The following NMNAT3 variants were observed in gnomAD, a reference collection of about 807,000 sequenced individuals.
The protein encoded by NMNAT3 is nicotinamide nucleotide adenylyltransferase 3, also known as nicotinamide/nicotinic acid mononucleotide adenylyltransferase 3.
In NMNAT3, 21 loss-of-function variants were observed where a neutral mutation model predicts 24.8. The observed-to-expected ratio is 0.85, with a 90% CI of 0.60 to 1.22. NMNAT3 has a LOEUF of 1.22. Among genes scored for constraint, NMNAT3 ranks in the 50% most tolerant of loss-of-function variants. The pLI, the probability that NMNAT3 is intolerant of heterozygous loss-of-function variation, is 0.00. For missense variants in NMNAT3, 387 were observed against 436.6 expected (o/e 0.89, Z 1.01); for synonymous variants, 136 against 155.2 (o/e 0.88, Z 0.92).
chr3:139,615,464 C>CTATCTATCTATCTATCT lies in NMNAT3; in HGVS notation c.109+12151_109+12152insAGATAGATAGATAGATA, dbSNP rs1438028853. Among the ~76,000 whole-genome samples the CTATCTATCTATCTATCT allele has an allele frequency of 2.1e-3, 225 of 106,862 alleles. 1 individual carries two copies. Among genetic ancestry groups the CTATCTATCTATCTATCT allele is most frequent in the East Asian group, 5.8e-3 (24 of 4,146 alleles). 70.1% of individuals were successfully genotyped at this position (106,862 alleles called of 152,430 possible). ...CTATCTATCTATCTATCTATCTATC[C>CTATCTATCTATCTATCT]ATCCACCCACCCATCCATCCATTTA... is the stretch of plus-strand genomic sequence containing the variant. On this transcript the variant is annotated intron_variant, in intron 3 of 6. Transcript: ENST00000643695.
At chr3:139,601,116 C>T (rs553837796) in intron 3 of NMNAT3, among the ~76,000 whole-genome samples, 1 of 152,294 alleles carries the variant, frequency 6.6e-6, no homozygotes, top group East Asian at 1.9e-4. Context: ...TCTGGCTGGG[C>T]ATAAAGTCTG....
At chr3:139,628,733 C>T (rs2056164509) in intron 2 of NMNAT3, among the ~76,000 whole-genome samples, 1 of 152,206 alleles carries the variant, frequency 6.6e-6, no homozygotes, top group African/African-American at 2.4e-5. Context: ...CCTAGTTCTA[C>T]CTCTCACTGG....
chr3:139,627,929 C>T (rs574791039), intron 2 of NMNAT3, among the ~76,000 whole-genome samples, 165 bp from the exon 4 acceptor site: 20 of 152,312 alleles, frequency 1.3e-4, no homozygotes, highest in Non-Finnish European at 2.1e-4. Flanking sequence ...TGAAGTATGC[C>T]AAGTGCTATG....
At chr3:139,620,625 T>G (rs2055725549) in intron 3 of NMNAT3, among the ~76,000 whole-genome samples, 3 of 152,234 alleles carry the variant, frequency 2.0e-5, no homozygotes, top group Admixed American at 1.3e-4. Flanking sequence ...GCTCTGAACA[T>G]TCATGCACAA....
chr3:139,623,671 C>T lies in NMNAT3; in HGVS notation c.109+3945G>A, dbSNP rs1246455651. Reference sequence around the variant, plus strand: ...CAATCTCAGCTCACTGCAACCTCTGCCTCCCAGGTTCAAGCAATTCCCTGC... The same window carrying T: ...CAATCTCAGCTCACTGCAACCTCTGTCTCCCAGGTTCAAGCAATTCCCTGC... On this transcript the variant is annotated intron_variant, in intron 3 of 6. Transcript: ENST00000643695. 3.9e-5 allele frequency among the ~76,000 whole-genome samples: 6 copies of T among 152,116 alleles called. No individual in the cohort carries two copies. The South Asian group carries it at 1.0e-3, about 26-fold the overall frequency.
At chr3:139,631,367 T>C (rs534093723) in intron 2 of NMNAT3, among the ~76,000 whole-genome samples, 1 of 152,282 alleles carries the variant, frequency 6.6e-6, no homozygotes, top group African/African-American at 2.4e-5. Flanking sequence ...GACAATAAAC[T>C]GGCTCTAATT....
intron 6 of NMNAT3, chr3:139,567,502 T>C (rs1937427648): frequency 6.6e-6 from 1 of 152,182 alleles, no homozygotes; most frequent in Non-Finnish European, 1.5e-5. Flanking sequence ...GGGTTTGTCA[T>C]AGATAGCTCT....
intron 1 of NMNAT3, among the ~76,000 whole-genome samples, chr3:139,666,762 C>T (rs912842534): frequency 6.6e-6 from 1 of 152,158 alleles, no homozygotes; most frequent in African/African-American, 2.4e-5. Context: ...CCTTGCTACC[C>T]TCTGGTTATG....
At chr3:139,593,679 A>G (rs576824990) in intron 3 of NMNAT3, among the ~76,000 whole-genome samples, 2 of 149,864 alleles carry the variant, frequency 1.3e-5, no homozygotes, top group African/African-American at 4.9e-5. Flanking sequence ...GCTCAACTAC[A>G]TGGAAACTGA....
At chr3:139,585,403 A>T (rs1283668430) in intron 3 of NMNAT3, among the ~76,000 whole-genome samples, 1 of 152,174 alleles carries the variant, frequency 6.6e-6, no homozygotes, top group Non-Finnish European at 1.5e-5. Flanking sequence ...TTCTTTAGAT[A>T]TAAATACTAC....
rs562187214 is a variant in NMNAT3, at chr3:139,658,761, G to C, written c.-141+18944C>G. On this transcript the variant is annotated intron_variant, in intron 1 of 6. Coordinates refer to ENST00000643695, the MANE Select transcript of NMNAT3 (RefSeq NM_001320510.2). Reference sequence around the variant, plus strand: ...TGTTATTAACCAGAATTCAGTATTTGTTTAGCATTTTTTTTCGTTTCTTTG... The same window carrying C: ...TGTTATTAACCAGAATTCAGTATTTCTTTAGCATTTTTTTTCGTTTCTTTG... Among the ~76,000 whole-genome samples the C allele has an allele frequency of 4.6e-5, 7 of 152,208 alleles. No homozygotes were observed. In the East Asian group the frequency reaches 9.7e-4, roughly 21 times the overall value.
intron 6 of NMNAT3, chr3:139,566,214 T>A (rs916754557): frequency 2.6e-5 from 4 of 152,178 alleles, no homozygotes; most frequent in African/African-American, 9.7e-5. Context: ...GAGTTGTTTG[T>A]TTTTTTCTTG....
chr3:139,608,369 T>C (rs2055040542), intron 3 of NMNAT3, among the ~76,000 whole-genome samples: 2 of 152,158 alleles, frequency 1.3e-5, no homozygotes, highest in African/African-American at 4.8e-5. Flanking sequence ...CCTCCAGTCC[T>C]CAAGTTTCCT....
chr3:139,619,348 C>T (rs2055655891), intron 3 of NMNAT3, among the ~76,000 whole-genome samples: 1 of 152,130 alleles, frequency 6.6e-6, no homozygotes, highest in Non-Finnish European at 1.5e-5. Flanking sequence ...AAAATAAAGG[C>T]AAGAGGGTGA....
At position 139,632,592 on chromosome 3, in the gene NMNAT3, T is replaced by G. The variant is rs2056343321; in HGVS notation, c.-40-4828A>C. ...TGGCACTGCCCTGACTGCCATCTAC[T>G]CAGTGGACAACTGCTTATTAAGCAT... On this transcript the variant is annotated intron_variant, in intron 2 of 6. Transcript: ENST00000643695. Among the ~76,000 whole-genome samples, 4 of 152,242 alleles carry G rather than the reference T, an allele frequency of 2.6e-5. No individual in the cohort carries two copies. The South Asian group carries it at 8.3e-4, about 31-fold the overall frequency.
At chr3:139,667,096 T>C (rs1434634842) in intron 1 of NMNAT3, among the ~76,000 whole-genome samples, 1 of 152,232 alleles carries the variant, frequency 6.6e-6, no homozygotes, top group African/African-American at 2.4e-5. Context: ...GCTGATTTCC[T>C]TTCTTTTGGG....
chr3:139,653,203 C>T (rs2057114917), intron 1 of NMNAT3, among the ~76,000 whole-genome samples: 1 of 152,006 alleles, frequency 6.6e-6, no homozygotes, highest in Non-Finnish European at 1.5e-5. Flanking sequence ...GATTAAATGG[C>T]TCCTAAGAGG....
chr3:139,655,746 AAGCTTATGGG>A (rs1235305326), intron 1 of NMNAT3, among the ~76,000 whole-genome samples: 2 of 152,244 alleles, frequency 1.3e-5, no homozygotes, highest in Non-Finnish European at 2.9e-5. Flanking sequence ...ACTAAAATGT[AAGCTTATGGG>A]ATGTGTTAGA....
In NMNAT3 at chr3:139,561,293, T is replaced by C. The variant is rs1395917363; in HGVS notation, c.758A>G (p.Lys253Arg). The C allele has an allele frequency of 3.7e-6, 6 of 1,614,054 alleles. No individual in the cohort carries two copies. The East Asian group carries it at 6.7e-5, about 18-fold the overall frequency. ...TCGGCCCACGCACACCAAGCCAAACTTCTCCACTATTTCCTGGATGTGCGC... is the reference window on the plus strand; with the variant it reads ...TCGGCCCACGCACACCAAGCCAAACCTCTCCACTATTTCCTGGATGTGCGC... Residue 253 changes from lysine (K) to arginine (R), a missense_variant, in exon 7 of 7, where the codon AAG becomes AGG. Transcript: ENST00000643695.
Sources: allele counts gnomAD v4.1 joint callset (sites outside exome capture counted in the v4.1 genomes callset), GRCh38; gene constraint gnomAD v4.1.1; transcripts MANE v1.5; gene names NCBI Gene and HGNC (gene_info 2026-07-23, HGNC 2026-07-21).